The following SPAG16 variants were observed in gnomAD, a reference collection of about 807,000 sequenced individuals.
SPAG16 encodes sperm-associated antigen 16 protein.
SPAG16 carries 86 observed loss-of-function variants against 80.4 expected under a neutral mutation model. That is an observed-to-expected ratio of 1.07 (90% CI 0.90 to 1.28). The LOEUF (loss-of-function observed/expected upper bound fraction) is 1.28, where lower values mean the gene tolerates loss of function less well. Among genes scored for constraint, SPAG16 ranks in the 50% most tolerant of loss-of-function variants. The pLI is 0.00. For missense variants in SPAG16, 870 were observed against 765.3 expected, an observed-to-expected ratio of 1.14 and a Z score of -1.61; for synonymous variants, 294 against 265.9, an observed-to-expected ratio of 1.11 and a Z score of -1.03.
chr2:214,214,616 T>C (rs1273322623), intron 15 of SPAG16, among the ~76,000 whole-genome samples: 1 of 152,150 alleles, frequency 6.6e-6, no homozygotes, highest in Non-Finnish European at 1.5e-5. Context: ...CTCCAAATGA[T>C]GTACTTGAGA....
chr2:213,438,122 C>T (rs1215622576), intron 9 of SPAG16, among the ~76,000 whole-genome samples: 1 of 152,186 alleles, frequency 6.6e-6, no homozygotes, highest in African/African-American at 2.4e-5. Context: ...TCTACCTTAA[C>T]GTTTTGGCTT....
intron 15 of SPAG16, among the ~76,000 whole-genome samples, chr2:214,205,058 G>A (rs561101685): frequency 9.7e-4 from 147 of 152,058 alleles, no homozygotes; most frequent in African/African-American, 3.2e-3. Flanking sequence ...GTGAAACCCC[G>A]TCTCTACTAA....
intron 15 of SPAG16, among the ~76,000 whole-genome samples, chr2:214,251,873 C>T (rs1690317998): frequency 6.6e-6 from 1 of 152,086 alleles, no homozygotes; most frequent in Non-Finnish European, 1.5e-5. Flanking sequence ...TTTCTGTCTG[C>T]TGAAAATGTT....
chr2:213,788,740 T>C (rs2070497893), intron 10 of SPAG16, among the ~76,000 whole-genome samples: 1 of 151,898 alleles, frequency 6.6e-6, no homozygotes, highest in Non-Finnish European at 1.5e-5. Context: ...GCCTAGAATA[T>C]ACTCAATTAT....
chr2:213,419,240 G>A (rs1003045548), intron 9 of SPAG16, among the ~76,000 whole-genome samples: 1 of 152,038 alleles, frequency 6.6e-6, no homozygotes, highest in African/African-American at 2.4e-5. Context: ...TCTAGTCTAT[G>A]GTTCCCCCTT....
chr2:213,529,787 A>G (rs2076008554), intron 10 of SPAG16, among the ~76,000 whole-genome samples: 1 of 152,226 alleles, frequency 6.6e-6, no homozygotes, highest in South Asian at 2.1e-4. Flanking sequence ...ATCACTTCCC[A>G]TGAATGGAGC....
chr2:214,382,298 C>A (rs10451583), intron 15 of SPAG16, among the ~76,000 whole-genome samples: 44,487 of 152,110 alleles, frequency 0.29, 7,779 homozygotes, highest in South Asian at 0.45. Context: ...ATAATTCATC[C>A]CTGCATAATG....
intron 10 of SPAG16, among the ~76,000 whole-genome samples, chr2:213,630,403 T>G (rs1028855676): frequency 4.6e-5 from 7 of 151,970 alleles, no homozygotes; most frequent in South Asian, 4.2e-4. Flanking sequence ...AAAAAAGATG[T>G]TTCTGTCTTC....
intron 10 of SPAG16, among the ~76,000 whole-genome samples, chr2:213,713,740 A>C (rs1357161603): frequency 6.6e-6 from 1 of 152,196 alleles, no homozygotes; most frequent in Non-Finnish European, 1.5e-5. Context: ...ACAAACTGGA[A>C]GATAGAAGGT....
chr2:214,273,214 C>T (rs75722655), intron 15 of SPAG16, among the ~76,000 whole-genome samples: 56,615 of 151,834 alleles, frequency 0.37, 10,808 homozygotes, highest in East Asian at 0.5. Context: ...ATGGGTAGAT[C>T]GCAAAAATTT....
chr2:214,059,866 A>G (rs1455037775), intron 13 of SPAG16, among the ~76,000 whole-genome samples: 1 of 152,154 alleles, frequency 6.6e-6, no homozygotes, highest in Non-Finnish European at 1.5e-5. Context: ...TGGAAGGCAC[A>G]GTCATTTTTG....
intron 10 of SPAG16, among the ~76,000 whole-genome samples, chr2:213,778,793 T>A (rs567548660): frequency 2.4e-4 from 37 of 152,322 alleles, no homozygotes; most frequent in Admixed American, 1.3e-3. Context: ...CAAGCAAACT[T>A]CTCTTATGCA....
At chr2:213,464,261 G>T (rs564748471) in intron 9 of SPAG16, among the ~76,000 whole-genome samples, 1 of 152,336 alleles carries the variant, frequency 6.6e-6, no homozygotes, top group South Asian at 2.1e-4. Flanking sequence ...AAACAGTAGT[G>T]CCATGGGCAT....
chr2:213,434,755 G>A (rs1006104976), intron 9 of SPAG16, among the ~76,000 whole-genome samples: 1 of 152,196 alleles, frequency 6.6e-6, no homozygotes, highest in Non-Finnish European at 1.5e-5. Flanking sequence ...ACAATGATAT[G>A]TCATCTGACG....
chr2:213,575,660 G>A (rs1250961983), intron 10 of SPAG16, among the ~76,000 whole-genome samples: 1 of 151,992 alleles, frequency 6.6e-6, no homozygotes, highest in Admixed American at 6.6e-5. Flanking sequence ...CTTGATTTCA[G>A]TGTAATTCCA....
intron 10 of SPAG16, among the ~76,000 whole-genome samples, chr2:213,844,637 A>G (rs1262233561): frequency 6.6e-6 from 1 of 152,214 alleles, no homozygotes; most frequent in African/African-American, 2.4e-5. Context: ...ACTTGGACTT[A>G]TAATAGTCAA....
intron 10 of SPAG16, among the ~76,000 whole-genome samples, chr2:213,782,413 T>C (rs763191423): frequency 6.6e-6 from 1 of 152,200 alleles, no homozygotes; most frequent in Non-Finnish European, 1.5e-5. Context: ...AGAAGAATTA[T>C]GTAGTTATAA....
intron 15 of SPAG16, among the ~76,000 whole-genome samples, chr2:214,177,255 CCTTAA>C (rs1257299263): frequency 6.6e-6 from 1 of 151,052 alleles, no homozygotes; most frequent in East Asian, 1.9e-4. Flanking sequence ...CCTGAATTTT[CCTTAA>C]CTTCTTTTTC....
At chr2:214,169,305 A>G (rs1358320873) in intron 15 of SPAG16, among the ~76,000 whole-genome samples, 1 of 152,106 alleles carries the variant, frequency 6.6e-6, no homozygotes, top group African/African-American at 2.4e-5. Flanking sequence ...TTAAAAAAGA[A>G]CACAATCATA....
Sources: allele counts gnomAD v4.1 joint callset (sites outside exome capture counted in the v4.1 genomes callset), GRCh38; gene constraint gnomAD v4.1.1; transcripts MANE v1.5; gene names NCBI Gene and HGNC (gene_info 2026-07-23, HGNC 2026-07-21).